PSMB2: variants seen among roughly 807,000 people sequenced by gnomAD.
PSMB2 encodes proteasome 20S subunit beta 2, also known as proteasome subunit beta type-2.
PSMB2 carries 13 observed loss-of-function variants against 25.7 expected under a neutral mutation model. The ratio of observed to expected loss-of-function variants is 0.51; its 90% CI spans 0.33 to 0.80. The LOEUF is 0.80. PSMB2 is among the 30% of genes least tolerant of loss of function. The pLI, the probability that PSMB2 is intolerant of heterozygous loss-of-function variation, is 0.02. For synonymous variants in PSMB2, 87 were observed against 96.2 expected (o/e 0.90, Z 0.56); for missense variants, 202 against 259.0 (o/e 0.78, Z 1.51).
At position 35,599,745 on chromosome 1, in the gene PSMB2, G is replaced by C. The variant is rs1186493113; in HGVS notation, c.*3522C>G. ...TTTTTAAAATATGGAGAAAGACCTG[G>C]AGAGGGAAGAGATTAAAAGTAGAGT... is the stretch of plus-strand genomic sequence containing the variant. On this transcript the variant is annotated 3_prime_UTR_variant, in exon 6 of 6. Transcript: ENST00000373237. The C allele has an allele frequency of 2.0e-6, 2 of 983,452 alleles. No individual in the cohort carries two copies. The highest frequency in any genetic ancestry group is 2.4e-6 in the Non-Finnish European group (2 of 828,232). 60.9% of individuals were successfully genotyped at this position (983,452 alleles called of 1,614,324 possible). A position where few individuals can be genotyped will look rare whatever the true frequency, so the allele number is the denominator to read the frequency against.
chr1:35,628,945 T>C (rs1651000720), intron 3 of PSMB2, among the ~76,000 whole-genome samples: 1 of 152,074 alleles, frequency 6.6e-6, no homozygotes, highest in African/African-American at 2.4e-5. Flanking sequence ...AAAATATGAA[T>C]AGCATCAGTG....
In PSMB2 at chr1:35,601,322, C is replaced by A. The variant is rs978749315; in HGVS notation, c.*1945G>T. The A allele has an allele frequency of 7.7e-5, 73 of 945,404 alleles. No homozygotes were observed. Among genetic ancestry groups the A allele is most frequent in the Middle Eastern group, 1.1e-3 (2 of 1,848 alleles). 58.6% of individuals were successfully genotyped at this position (945,404 alleles called of 1,614,324 possible). On this transcript the variant is annotated 3_prime_UTR_variant, in exon 6 of 6. Transcript: ENST00000373237. ...CTGACCTCAGGTGATCCGCCCGCCTCGGCGGGCGGCCAAAGTGCTGGGATT... is the reference window on the plus strand; with the variant it reads ...CTGACCTCAGGTGATCCGCCCGCCTAGGCGGGCGGCCAAAGTGCTGGGATT...
At position 35,605,257 on chromosome 1, in the gene PSMB2, T is replaced by A. The variant is rs750084894; in HGVS notation, c.474A>T (p.Glu158Asp). The change falls in exon 5 of 6, where the codon GAA becomes GAT. Residue 158 changes from glutamate to aspartate, a missense_variant. Transcript: ENST00000373237. Reference sequence around the variant, plus strand: ...CCTCCTCCAGACATTTCCTAAGGAGTTCCACTGCCCTCTCACGTGAGATAG... The same window carrying A: ...CCTCCTCCAGACATTTCCTAAGGAGATCCACTGCCCTCTCACGTGAGATAG... ...TPTISRERAV[E>D]LLRKCLEELQ... The A allele has an allele frequency of 6.2e-7, 1 of 1,612,998 alleles. No homozygotes were observed. Among genetic ancestry groups the A allele is most frequent in the Non-Finnish European group, 8.5e-7 (1 of 1,179,596 alleles).
chr1:35,630,445 T>C (rs1651057030), intron 3 of PSMB2, among the ~76,000 whole-genome samples: 1 of 152,222 alleles, frequency 6.6e-6, no homozygotes, highest in Admixed American at 6.5e-5. Flanking sequence ...CAAGATGTCC[T>C]TCAGTAGGTG....
intron 5 of PSMB2, among the ~76,000 whole-genome samples, chr1:35,603,811 G>A (rs1016092549): frequency 5.3e-5 from 8 of 152,124 alleles, no homozygotes; most frequent in Non-Finnish European, 1.2e-4. Context: ...AGGTTGAGGT[G>A]GAAGAATATC....
At chr1:35,637,232 T>C (rs7537657) in intron 1 of PSMB2, among the ~76,000 whole-genome samples, 5,857 of 152,294 alleles carry the variant, frequency 0.038, 355 homozygotes, top group African/African-American at 0.12. Flanking sequence ...AAGGAACCAT[T>C]TCAAGAAAGA....
chr1:35,621,312 T>C (rs769354966), intron 3 of PSMB2, among the ~76,000 whole-genome samples: 4 of 152,188 alleles, frequency 2.6e-5, no homozygotes, highest in Admixed American at 6.5e-5. Flanking sequence ...TGCAGTGCAA[T>C]TGACTGTTTA....
rs570315102 is a variant in PSMB2, at chr1:35,632,347, A to G, written c.215-1003T>C. ...CCCCTGTAGAATGGGACCAGTGCCA[A>G]AAGGCACAAGAATGATCCATAACTC... On this transcript the variant is annotated intron_variant, in intron 2 of 5. Coordinates refer to ENST00000373237, the MANE Select transcript of PSMB2 (RefSeq NM_002794.5). 7.5e-4 allele frequency among the ~76,000 whole-genome samples: 114 copies of G among 152,356 alleles called. No homozygotes were observed. The South Asian group carries it at 0.022, about 30-fold the overall frequency.
chr1:35,636,870 T>C (rs1557460275), intron 1 of PSMB2, among the ~76,000 whole-genome samples: 1 of 152,230 alleles, frequency 6.6e-6, no homozygotes, highest in Non-Finnish European at 1.5e-5. Context: ...GGGACGACTG[T>C]ATATTGAATA....
Position 35,631,513 on chromosome 1 carries a change from A to G in PSMB2, c.215-169T>C. ...ACTCTAGTCCCTTTCCTCATGCAAC[A>G]GCTATGAAATAGCTGGTTAGTACTG... is the stretch of plus-strand genomic sequence containing the variant. On this transcript the variant is annotated intron_variant, in intron 2 of 5. Coordinates refer to ENST00000373237, the MANE Select transcript of PSMB2 (RefSeq NM_002794.5). 4.2e-6 allele frequency: 6 copies of G among 1,431,354 alleles called. 1 individual carries two copies. The South Asian group carries it at 9.0e-5, about 22-fold the overall frequency. 88.7% of individuals were successfully genotyped at this position (1,431,354 alleles called of 1,614,324 possible). A position where few individuals can be genotyped will look rare whatever the true frequency, so the allele number is the denominator to read the frequency against.
intron 3 of PSMB2, among the ~76,000 whole-genome samples, chr1:35,615,282 GAA>G (rs1650461636): frequency 6.6e-6 from 1 of 152,216 alleles, no homozygotes; most frequent in Non-Finnish European, 1.5e-5. Context: ...TTCCGAGACT[GAA>G]ATAGACTTCT....
At chr1:35,617,898 CA>C (rs1650552237) in intron 3 of PSMB2, among the ~76,000 whole-genome samples, 1 of 152,184 alleles carries the variant, frequency 6.6e-6, no homozygotes, top group South Asian at 2.1e-4. Flanking sequence ...TCTGCTGATC[CA>C]AGCCTTTTTT....
chr1:35,636,509 G>T lies in PSMB2; in HGVS notation c.92-77C>A, dbSNP rs1651248697. ...TCATTATTTATGTAACCATAAACAGGTTTATTAATTACTACAGTTGGCCTT... is the reference window on the plus strand; with the variant it reads ...TCATTATTTATGTAACCATAAACAGTTTTATTAATTACTACAGTTGGCCTT... On this transcript the variant is annotated intron_variant, in intron 1 of 5. Transcript: ENST00000373237. 2.2e-5 allele frequency: 32 copies of T among 1,479,956 alleles called. 1 individual carries two copies. In the South Asian group the frequency reaches 4.0e-4, roughly 18 times the overall value. The allele number at this position is 1,479,956 out of a possible 1,614,324, so 91.7% of individuals were successfully genotyped here. A position where few individuals can be genotyped will look rare whatever the true frequency, so the allele number is the denominator to read the frequency against.
In PSMB2 at chr1:35,599,718, G is replaced by C. The variant is rs1649934280; in HGVS notation, c.*3549C>G. On this transcript the variant is annotated 3_prime_UTR_variant, in exon 6 of 6. Coordinates refer to ENST00000373237, the MANE Select transcript of PSMB2 (RefSeq NM_002794.5). ...CAGAGAGGAATGGATGGTGAAACTA[G>C]TTTTTTAAAATATGGAGAAAGACCT... 1.0e-6 allele frequency: 1 copy of C among 984,982 alleles called. No individual in the cohort carries two copies. The highest frequency in any genetic ancestry group is 6.2e-5 in the Admixed American group (1 of 16,256). 61.0% of individuals were successfully genotyped at this position (984,982 alleles called of 1,614,324 possible).
intron 3 of PSMB2, among the ~76,000 whole-genome samples, chr1:35,620,963 G>C (rs571806197): frequency 6.6e-6 from 1 of 151,808 alleles, no homozygotes; most frequent in South Asian, 2.1e-4. Flanking sequence ...ACTGTGCCCG[G>C]CTGACTTTAG....
chr1:35,616,921 A>G (rs76610727), intron 3 of PSMB2, among the ~76,000 whole-genome samples: 2,292 of 152,294 alleles, frequency 0.015, 55 homozygotes, highest in African/African-American at 0.052. Context: ...TCAAACACCT[A>G]AAAAAATCTC....
At chr1:35,611,320 C>A (rs1650325691) in intron 3 of PSMB2, among the ~76,000 whole-genome samples, 1 of 151,934 alleles carries the variant, frequency 6.6e-6, no homozygotes, top group Non-Finnish European at 1.5e-5. Flanking sequence ...TTAAAAAACT[C>A]ATGGTTTTTG....
At chr1:35,632,370 C>T (rs1203940515) in intron 2 of PSMB2, among the ~76,000 whole-genome samples, 1 of 152,236 alleles carries the variant, frequency 6.6e-6, no homozygotes, top group Non-Finnish European at 1.5e-5. Context: ...TGATCCATAA[C>T]TCAGTGGGCC....
chr1:35,635,783 C>A (rs1049069228), intron 2 of PSMB2, among the ~76,000 whole-genome samples: 1 of 143,536 alleles, frequency 7.0e-6, no homozygotes, highest in East Asian at 2.1e-4. Context: ...AAGCAGAGAT[C>A]GCGCCATTGC....
Sources: allele counts gnomAD v4.1 joint callset (sites outside exome capture counted in the v4.1 genomes callset), GRCh38; gene constraint gnomAD v4.1.1; transcripts MANE v1.5; gene names NCBI Gene and HGNC (gene_info 2026-07-23, HGNC 2026-07-21).